The following FANCI variants were observed in gnomAD, a reference collection of about 807,000 sequenced individuals.
FANCI encodes the protein FA complementation group I, also known as Fanconi anemia group I protein.
FANCI carries 156 observed loss-of-function variants against 176.1 expected under a neutral mutation model. That is an observed-to-expected ratio of 0.89 (90% CI 0.78 to 1.01). The LOEUF is 1.01. Ranked by LOEUF, FANCI falls within the 50% of genes least tolerant of loss-of-function variation. The pLI is 0.00. For synonymous variants in FANCI, 613 were observed against 541.7 expected (o/e 1.13, Z -1.83); for missense variants, 1,678 against 1,534.1 (o/e 1.09, Z -1.57).
chr15:89,246,620 A>C (rs2051985098), intron 1 of FANCI, among the ~76,000 whole-genome samples: 1 of 152,136 alleles, frequency 6.6e-6, no homozygotes, highest in Non-Finnish European at 1.5e-5. Context: ...TAATGTATAC[A>C]ACCTGGTTGT....
intron 3 of FANCI, among the ~76,000 whole-genome samples, chr15:89,260,419 A>T (rs2052666091): frequency 6.6e-6 from 1 of 152,188 alleles, no homozygotes; most frequent in Non-Finnish European, 1.5e-5. Context: ...TAGATTAGTT[A>T]TTAAATTTGG....
intron 34 of FANCI, among the ~76,000 whole-genome samples, chr15:89,310,374 A>G (rs1378549777): frequency 6.6e-6 from 1 of 152,218 alleles, no homozygotes; most frequent in Non-Finnish European, 1.5e-5. Context: ...GTTGACATGT[A>G]AAATGTTGGA....
chr15:89,297,535 G>T (rs1382534469), intron 24 of FANCI, among the ~76,000 whole-genome samples: 8 of 152,196 alleles, frequency 5.3e-5, no homozygotes, highest in Non-Finnish European at 8.8e-5. Flanking sequence ...GAGGCTGGCG[G>T]ATCACTCGTG....
chr15:89,311,455 C>G (rs2054957274), intron 34 of FANCI, among the ~76,000 whole-genome samples: 1 of 152,136 alleles, frequency 6.6e-6, no homozygotes. Context: ...TAATTTTAGT[C>G]CTGCCCGCCC....
chr15:89,316,250 T>A (rs1233587359), intron 37 of FANCI, 147 bp from the exon 38 acceptor site: 1 of 808,434 alleles, frequency 1.2e-6, no homozygotes, highest in South Asian at 1.6e-5. Context: ...TTCAACAACA[T>A]AATTACCTCC....
intron 15 of FANCI, 35 bp downstream of exon 15, chr15:89,281,335 C>A: frequency 6.2e-7 from 1 of 1,612,534 alleles, no homozygotes; most frequent in Non-Finnish European, 8.5e-7. Flanking sequence ...CTTGCCAAAA[C>A]TGAGGTTTAA....
intron 24 of FANCI, among the ~76,000 whole-genome samples, chr15:89,298,114 C>G (rs185137974): frequency 6.6e-6 from 1 of 151,946 alleles, no homozygotes; most frequent in Admixed American, 6.6e-5. Context: ...GATAGAAAAT[C>G]TACTGAAAGG....
intron 7 of FANCI, 44 bp from the exon 8 acceptor site, chr15:89,263,859 G>A (rs2052823895): frequency 6.2e-7 from 1 of 1,612,336 alleles, no homozygotes; most frequent in Non-Finnish European, 8.5e-7. Flanking sequence ...TGAAAACAAG[G>A]CAGTTAGACA....
chr15:89,265,330 C>T (rs1259383045), intron 9 of FANCI, among the ~76,000 whole-genome samples: 1 of 152,164 alleles, frequency 6.6e-6, no homozygotes, highest in Non-Finnish European at 1.5e-5. Context: ...GCCTCAGCCT[C>T]CTGAGTATCT....
In FANCI at chr15:89,293,085, AT is replaced by A. The variant is rs910134489; in HGVS notation, c.2291+25del. On this transcript the variant is annotated intron_variant, in intron 22 of 37. Coordinates refer to ENST00000310775, the MANE Select transcript of FANCI (RefSeq NM_001113378.2). ...TCAGGTAAGGTTTTGCTATAACTCC[AT>A]TTGTAATTTGATGAATTCTCCATTT... The A allele has an allele frequency of 1.9e-6, 3 of 1,610,530 alleles. No homozygotes were observed. In the African/African-American group the frequency reaches 4.0e-5, roughly 22 times the overall value.
At chr15:89,261,955 T>C (rs2052728096) in intron 6 of FANCI, 77 bp downstream of exon 6, 3 of 1,344,186 alleles carry the variant, frequency 2.2e-6, no homozygotes, top group African/African-American at 3.5e-5. Flanking sequence ...CAGGAATTTA[T>C]GTCTGGAGGT....
At chr15:89,267,123 C>A (rs553730692) in intron 9 of FANCI, among the ~76,000 whole-genome samples, 2 of 151,950 alleles carry the variant, frequency 1.3e-5, no homozygotes, top group Admixed American at 1.3e-4. Flanking sequence ...GAGTTCAAGA[C>A]CAGCCTGGAT....
chr15:89,289,695 C>A (rs1026523685), intron 18 of FANCI, among the ~76,000 whole-genome samples: 1 of 151,916 alleles, frequency 6.6e-6, no homozygotes, highest in Non-Finnish European at 1.5e-5. Context: ...TTTCCAGGTT[C>A]CAGAATGAAA....
chr15:89,247,746 G>A lies in FANCI; in HGVS notation c.84+15G>A. The A allele has an allele frequency of 1.2e-6, 2 of 1,609,476 alleles. No homozygotes were observed. The highest frequency in any genetic ancestry group is 1.7e-6 in the Non-Finnish European group (2 of 1,175,908). The stretch of plus-strand genomic sequence containing the variant: ...GAGAAGGTGATGTGAGTATTAGGAA[G>A]CATGTTCTGCTAAAAGTAAATGTCA... On this transcript the variant is annotated intron_variant, in intron 2 of 37. Transcript: ENST00000310775.
intron 24 of FANCI, among the ~76,000 whole-genome samples, chr15:89,299,095 A>G (rs1261707888): frequency 6.6e-6 from 1 of 151,536 alleles, no homozygotes; most frequent in Non-Finnish European, 1.5e-5. Context: ...GACCACTTGA[A>G]TCTGGGAGGT....
At chr15:89,266,354 A>C (rs1272788885) in intron 9 of FANCI, among the ~76,000 whole-genome samples, 2 of 145,960 alleles carry the variant, frequency 1.4e-5, no homozygotes, top group African/African-American at 5.1e-5. Flanking sequence ...TTTGAGAGGA[A>C]GTCTCACTGT....
At chr15:89,311,646 G>A (rs926686694) in intron 34 of FANCI, among the ~76,000 whole-genome samples, 5 of 152,158 alleles carry the variant, frequency 3.3e-5, no homozygotes, top group African/African-American at 1.2e-4. Context: ...CTGCCTTCCA[G>A]GGCCAAAAAC....
rs760327010 is a variant in FANCI at position 89,300,345 on chromosome 15, G to T, written c.2849G>T (p.Ser950Ile). 3.1e-5 allele frequency: 50 copies of T among 1,614,062 alleles called. No homozygotes were observed. Among genetic ancestry groups the T allele is most frequent in the Middle Eastern group, 1.7e-4 (1 of 6,058 alleles). The change falls in exon 26 of 38, where the codon AGT becomes ATT. Residue 950 changes from serine to isoleucine, a missense_variant. Physicochemically the swap from Ser to Ile is moderately radical, Grantham distance 142. Transcript: ENST00000310775. ...EGEEREDADV[S>I]VTQRTAFQIR... ...GAAGAGAGAGAAGATGCAGATGTCA[G>T]TGTCACTCAGAGAACAGCATTCCAG...
intron 24 of FANCI, among the ~76,000 whole-genome samples, chr15:89,295,810 A>T (rs77539815): frequency 0.041 from 5,309 of 130,866 alleles, 342 homozygotes; most frequent in African/African-American, 0.14. Flanking sequence ...GTCTCGCTCT[A>T]TTGCCCAGGG....
Sources: allele counts gnomAD v4.1 joint callset (sites outside exome capture counted in the v4.1 genomes callset), GRCh38; gene constraint gnomAD v4.1.1; transcripts MANE v1.5; gene names NCBI Gene and HGNC (gene_info 2026-07-23, HGNC 2026-07-21).